Variants in PTPRD observed in about 807,000 individuals in gnomAD.
PTPRD encodes the protein protein tyrosine phosphatase receptor type D, also known as receptor-type tyrosine-protein phosphatase delta.
PTPRD carries 34 observed loss-of-function variants against 214.5 expected under a neutral mutation model. The ratio of observed to expected loss-of-function variants is 0.16; its 90% CI spans 0.12 to 0.21. The LOEUF (loss-of-function observed/expected upper bound fraction) is 0.21. Ranked by LOEUF, PTPRD falls within the 10% of genes least tolerant of loss-of-function variation. The pLI is 1.00. For synonymous variants in PTPRD, 1,128 were observed against 845.7 expected (o/e 1.33, Z -5.79); for missense variants, 2,545 against 2,398.7 (o/e 1.06, Z -1.27).
intron 2 of PTPRD, among the ~76,000 whole-genome samples, chr9:10,576,208 T>C (rs982165646): frequency 7.2e-5 from 11 of 152,134 alleles, no homozygotes; most frequent in African/African-American, 2.4e-4. Context: ...CTGCATTGAT[T>C]TTTCCATCAT....
intron 21 of PTPRD, among the ~76,000 whole-genome samples, chr9:8,509,959 C>T (rs552774368): frequency 1.3e-4 from 20 of 151,968 alleles, no homozygotes; most frequent in African/African-American, 3.9e-4. Flanking sequence ...TGAAATGGTT[C>T]GGAGGTTAAC....
chr9:9,734,900 T>C (rs2098266077), intron 6 of PTPRD, among the ~76,000 whole-genome samples: 1 of 152,132 alleles, frequency 6.6e-6, no homozygotes, highest in African/African-American at 2.4e-5. Context: ...GCACTTGAAA[T>C]TCTCTAATAA....
At chr9:9,272,559 G>T (rs568170258) in intron 9 of PTPRD, among the ~76,000 whole-genome samples, 4 of 151,354 alleles carry the variant, frequency 2.6e-5, no homozygotes, top group African/African-American at 9.7e-5. Context: ...GGGGCGAAGG[G>T]CGGTCATCTG....
chr9:9,658,572 A>C (rs762680478), intron 7 of PTPRD, among the ~76,000 whole-genome samples: 6 of 152,146 alleles, frequency 3.9e-5, no homozygotes, highest in Non-Finnish European at 7.4e-5. Flanking sequence ...CAAGAAGATC[A>C]CTTGTGAGAT....
intron 5 of PTPRD, among the ~76,000 whole-genome samples, chr9:9,929,630 G>C (rs1201210736): frequency 6.6e-6 from 1 of 152,230 alleles, no homozygotes; most frequent in East Asian, 1.9e-4. Context: ...TTGACCTCGT[G>C]ATCTGCCCAC....
At chr9:9,166,916 T>C (rs761793008) in intron 10 of PTPRD, among the ~76,000 whole-genome samples, 18 of 152,156 alleles carry the variant, frequency 1.2e-4, no homozygotes, top group Admixed American at 2.6e-4. Context: ...CCACCTATTT[T>C]TGAAAACTTT....
At chr9:9,332,620 C>A (rs554937317) in intron 9 of PTPRD, among the ~76,000 whole-genome samples, 2 of 151,300 alleles carry the variant, frequency 1.3e-5, no homozygotes, top group African/African-American at 4.8e-5. Context: ...GAGTCTCTCC[C>A]CAGGATTACG....
intron 3 of PTPRD, among the ~76,000 whole-genome samples, chr9:10,088,495 GAAGA>G (rs1234350485): frequency 6.6e-6 from 1 of 151,684 alleles, no homozygotes; most frequent in Non-Finnish European, 1.5e-5. Context: ...GTATAAAGAT[GAAGA>G]AAGGCAGATA....
At chr9:9,921,826 C>T (rs1169621361) in intron 5 of PTPRD, among the ~76,000 whole-genome samples, 1 of 151,764 alleles carries the variant, frequency 6.6e-6, no homozygotes, top group Non-Finnish European at 1.5e-5. Flanking sequence ...GTGTCCCACA[C>T]TGTTCTAATT....
At chr9:9,739,527 A>G (rs2098363996) in intron 6 of PTPRD, among the ~76,000 whole-genome samples, 2 of 152,042 alleles carry the variant, frequency 1.3e-5, no homozygotes, top group African/African-American at 4.8e-5. Flanking sequence ...TCCTTTTAGT[A>G]TCATCAGGGT....
At chr9:9,943,462 G>A (rs2091990206) in intron 4 of PTPRD, among the ~76,000 whole-genome samples, 1 of 152,136 alleles carries the variant, frequency 6.6e-6, no homozygotes, top group African/African-American at 2.4e-5. Context: ...TATGTGTAGT[G>A]TTCTAAGTAT....
chr9:9,011,076 G>A (rs766703216), intron 11 of PTPRD, among the ~76,000 whole-genome samples: 3 of 152,036 alleles, frequency 2.0e-5, no homozygotes, highest in Non-Finnish European at 2.9e-5. Flanking sequence ...TGTGTATCCT[G>A]GTTACCTTAG....
intron 11 of PTPRD, among the ~76,000 whole-genome samples, chr9:8,803,878 C>A (rs1169698923): frequency 6.6e-6 from 1 of 152,050 alleles, no homozygotes; most frequent in East Asian, 1.9e-4. Flanking sequence ...AAACAATATT[C>A]CAAAACTTAC....
At chr9:10,423,877 C>T (rs1230671380) in intron 2 of PTPRD, among the ~76,000 whole-genome samples, 1 of 151,884 alleles carries the variant, frequency 6.6e-6, no homozygotes, top group Non-Finnish European at 1.5e-5. Flanking sequence ...TAAGTTGGAA[C>T]CTATAGTTTT....
intron 34 of PTPRD, among the ~76,000 whole-genome samples, chr9:8,444,557 G>T (rs533884303): frequency 1.3e-5 from 2 of 151,960 alleles, no homozygotes; most frequent in Admixed American, 1.3e-4. Flanking sequence ...AAAAAAAGTG[G>T]TGGAATGAAG....
At chr9:8,942,732 T>G (rs1427688145) in intron 11 of PTPRD, among the ~76,000 whole-genome samples, 1 of 152,178 alleles carries the variant, frequency 6.6e-6, no homozygotes, top group African/African-American at 2.4e-5. Context: ...TTCCTTTCTA[T>G]GCTTGTTCTT....
At chr9:9,965,355 C>G (rs2094611682) in intron 4 of PTPRD, among the ~76,000 whole-genome samples, 1 of 152,024 alleles carries the variant, frequency 6.6e-6, no homozygotes, top group Non-Finnish European at 1.5e-5. Context: ...GAGGAGAAGG[C>G]TTTCAAAACG....
intron 11 of PTPRD, among the ~76,000 whole-genome samples, chr9:8,908,865 A>G (rs982537012): frequency 2.0e-5 from 3 of 151,330 alleles, no homozygotes; most frequent in African/African-American, 7.2e-5. Flanking sequence ...AATTACTAAA[A>G]TCAACTACAG....
In PTPRD at chr9:10,289,743, A is replaced by T. The variant is rs574030548; in HGVS notation, c.-545+51220T>A. Among the ~76,000 whole-genome samples, 21 of 152,334 alleles carry T rather than the reference A, an allele frequency of 1.4e-4. No homozygotes were observed. In the East Asian group the frequency reaches 4.1e-3, roughly 29 times the overall value. On this transcript the variant is annotated intron_variant, in intron 3 of 45. Coordinates refer to ENST00000381196, the MANE Select transcript of PTPRD (RefSeq NM_002839.4). ...TAATTTGGCACTAAACATTTATTCA[A>T]CATGTATTTTAAAGTACTTGTTATG...
Sources: gnomAD v4.1 joint callset for allele counts (sites outside exome capture counted in the v4.1 genomes callset) on GRCh38, gnomAD v4.1.1 for gene constraint, MANE v1.5 for transcripts, NCBI Gene and HGNC (gene_info 2026-07-23, HGNC 2026-07-21) for gene names.